The following PRKDC variants were observed in gnomAD, a reference collection of about 807,000 sequenced individuals.
PRKDC encodes protein kinase, DNA-activated, catalytic subunit.
A neutral mutation model predicts 486.9 loss-of-function variants in PRKDC; 82 were observed. The observed-to-expected ratio is 0.17, with a 90% CI of 0.14 to 0.20. The LOEUF is 0.20. Among genes scored for constraint, PRKDC ranks in the 10% least tolerant of loss-of-function variants. PRKDC has a pLI of 1.00. For synonymous variants in PRKDC, 1,895 were observed against 1,837.0 expected (o/e 1.03, Z -0.81); for missense variants, 4,504 against 5,038.2 (o/e 0.89, Z 3.21).
chr8:47,777,423 G>C (rs1448630863), intron 84 of PRKDC, among the ~76,000 whole-genome samples: 1 of 152,096 alleles, frequency 6.6e-6, no homozygotes, highest in Non-Finnish European at 1.5e-5. Flanking sequence ...TGGCCAGGCT[G>C]GTCTCCAACT....
At chr8:47,953,756 G>A in intron 6 of PRKDC, 37 bp from the exon 7 acceptor site, 2 of 1,586,268 alleles carry the variant, frequency 1.3e-6, no homozygotes, top group Non-Finnish European at 1.7e-6. Context: ...CATTACAAGA[G>A]AAAAACACAA....
At chr8:47,957,610 A>G (rs1248668249) in intron 1 of PRKDC, among the ~76,000 whole-genome samples, 179 bp from the exon 2 acceptor site, 2 of 143,256 alleles carry the variant, frequency 1.4e-5, no homozygotes, top group African/African-American at 2.4e-5. Context: ...TCCCGGGTTC[A>G]CGCCATTCTC....
intron 68 of PRKDC, among the ~76,000 whole-genome samples, chr8:47,807,532 C>A (rs1388528641): frequency 1.3e-5 from 2 of 151,956 alleles, no homozygotes; most frequent in African/African-American, 4.8e-5. Context: ...CATTCTCCTG[C>A]CTCAGCCTCC....
At chr8:47,859,355 G>A (rs371066593) in intron 46 of PRKDC, among the ~76,000 whole-genome samples, 46 of 152,184 alleles carry the variant, frequency 3.0e-4, no homozygotes, top group African/African-American at 9.6e-4. Context: ...GTGACTCCCC[G>A]GGAGTGCACC....
intron 69 of PRKDC, among the ~76,000 whole-genome samples, chr8:47,806,549 T>C (rs1287716174): frequency 1.3e-5 from 2 of 152,250 alleles, no homozygotes. Flanking sequence ...CAATAGCAAT[T>C]GATAGAGGGT....
At chr8:47,905,185 C>T (rs2089756044) in intron 25 of PRKDC, among the ~76,000 whole-genome samples, 1 of 152,086 alleles carries the variant, frequency 6.6e-6, no homozygotes, top group South Asian at 2.1e-4. Flanking sequence ...ACCACCACAC[C>T]CAGTTAACTT....
At chr8:47,778,080 C>T (rs569298464) in intron 83 of PRKDC, among the ~76,000 whole-genome samples, 3 of 152,286 alleles carry the variant, frequency 2.0e-5, no homozygotes, top group Admixed American at 1.3e-4. Flanking sequence ...GCAAAACCCA[C>T]GTGCACAGGA....
At chr8:47,928,988 C>T (rs1379045042) in intron 19 of PRKDC, 104 bp downstream of exon 19, 2 of 967,978 alleles carry the variant, frequency 2.1e-6, no homozygotes, top group African/African-American at 1.7e-5. Context: ...CCGCACCCAG[C>T]CCCAATTCTT....
At chr8:47,817,212 G>A (rs1563749559) in intron 68 of PRKDC, among the ~76,000 whole-genome samples, 1 of 152,194 alleles carries the variant, frequency 6.6e-6, no homozygotes, top group Non-Finnish European at 1.5e-5. Context: ...TGGAGGTGCA[G>A]GTTCAGGATC....
intron 39 of PRKDC, among the ~76,000 whole-genome samples, 165 bp from the exon 40 acceptor site, chr8:47,878,016 G>C (rs939910938): frequency 6.6e-6 from 1 of 150,544 alleles, no homozygotes; most frequent in Non-Finnish European, 1.5e-5. Flanking sequence ...CAGTATTTCT[G>C]TCATTTTTAC....
intron 64 of PRKDC, among the ~76,000 whole-genome samples, chr8:47,823,254 G>A (rs1028452019): frequency 6.6e-6 from 1 of 151,838 alleles, no homozygotes; most frequent in Non-Finnish European, 1.5e-5. Context: ...GAGGACCGCC[G>A]GAGCCTGGGA....
In PRKDC at chr8:47,836,332, T is replaced by C. The variant is rs759390857; in HGVS notation, c.7951+6A>G. 3 of 1,561,160 alleles carry C rather than the reference T, an allele frequency of 1.9e-6. No individual in the cohort carries two copies. The highest frequency in any genetic ancestry group is 2.4e-5 in the South Asian group (2 of 82,870). On this transcript the variant is annotated splice_donor_region_variant and intron_variant, in intron 58 of 85. Transcript: ENST00000314191. ...ATACATGGCCAGCGGGCAGGGTCAC[T>C]GTTACCTGCAGTCTGTGTCAGTGTG... is the stretch of plus-strand genomic sequence containing the variant.
intron 62 of PRKDC, 131 bp from the exon 63 acceptor site, chr8:47,826,992 G>A: frequency 1.2e-6 from 1 of 838,536 alleles, no homozygotes; most frequent in Non-Finnish European, 1.8e-6. Flanking sequence ...GTTTCTCTGT[G>A]TAATGCTATT....
Position 47,929,972 on chromosome 8 carries a change from A to G in PRKDC, c.1933T>C (p.Trp645Arg), listed in dbSNP as rs2090223557. 6.2e-7 allele frequency: 1 copy of G among 1,608,654 alleles called. No individual in the cohort carries two copies. Among genetic ancestry groups the G allele is most frequent in the African/African-American group, 1.3e-5 (1 of 74,714 alleles). The change falls in exon 18 of 86, where the codon TGG (tryptophan) becomes CGG (arginine). Residue 645 changes from tryptophan (W) to arginine (R), a missense_variant. By Grantham distance (101) the Trp-to-Arg change is moderately radical. Transcript: ENST00000314191. ...PEKQAEFFEP[W>R]VYSFSYELIL... ...AATTCATATGAAAATGAGTACACCC[A>G]TGGTTCAAAAAATTCTGCTTGTTTC... is the stretch of plus-strand genomic sequence containing the variant.
At chr8:47,783,851 C>T (rs763299557) in intron 77 of PRKDC, 42 bp from the exon 78 acceptor site, 88 of 1,576,352 alleles carry the variant, frequency 5.6e-5, no homozygotes, top group Middle Eastern at 3.3e-4. Flanking sequence ...GCTTGTTAGA[C>T]AACCGCCTGT....
Position 47,953,789 on chromosome 8 carries a change from T to C in PRKDC, c.621+18A>G, listed in dbSNP as rs2154504576. The C allele has an allele frequency of 1.3e-6, 2 of 1,572,378 alleles. No homozygotes were observed. Among genetic ancestry groups the C allele is most frequent in the Non-Finnish European group, 1.7e-6 (2 of 1,156,432 alleles). On this transcript the variant is annotated intron_variant, in intron 6 of 85. Transcript: ENST00000314191. ...CAACCACATCTATGGAAGCAGAATG[T>C]CATAAAGTTCATCATACCTGGGTCT... is the stretch of plus-strand genomic sequence containing the variant.
intron 69 of PRKDC, among the ~76,000 whole-genome samples, chr8:47,806,491 C>G (rs2087217280): frequency 6.6e-6 from 1 of 152,114 alleles, no homozygotes; most frequent in Non-Finnish European, 1.5e-5. Context: ...GCATTTAAAG[C>G]TACAAAAAAG....
chr8:47,816,206 C>CAA (rs111281154), intron 68 of PRKDC, among the ~76,000 whole-genome samples: 129 of 145,680 alleles, frequency 8.9e-4, no homozygotes, highest in African/African-American at 2.8e-3. Flanking sequence ...AAGACTGCAT[C>CAA]AAAAAAAAAA....
At chr8:47,953,590 T>C (rs1202730337) in intron 7 of PRKDC, 30 bp downstream of exon 7, 9 of 1,572,892 alleles carry the variant, frequency 5.7e-6, no homozygotes. Context: ...AGTTTTTGAA[T>C]AAAGAAAATC....
Sources: gnomAD v4.1 joint callset for allele counts (sites outside exome capture counted in the v4.1 genomes callset) on GRCh38, gnomAD v4.1.1 for gene constraint, MANE v1.5 for transcripts, NCBI Gene and HGNC (gene_info 2026-07-23, HGNC 2026-07-21) for gene names.